The following SLC19A1 variants were observed in gnomAD, a reference collection of about 807,000 sequenced individuals.
The protein encoded by SLC19A1 is reduced folate transporter.
Under a neutral mutation model 35.3 loss-of-function variants are expected in SLC19A1, and 37 were observed. The observed-to-expected ratio is 1.05, with a 90% CI of 0.81 to 1.38. The LOEUF is 1.38. Ranked by LOEUF, SLC19A1 falls within the 40% of genes most tolerant of loss-of-function variation. The pLI, the probability that SLC19A1 is intolerant of heterozygous loss-of-function variation, is 0.00. For synonymous variants in SLC19A1, 460 were observed against 398.5 expected, an observed-to-expected ratio of 1.15 and a Z score of -1.84; for missense variants, 831 against 826.9, an observed-to-expected ratio of 1.00 and a Z score of -0.06.
At chr21:45,561,847 T>G (rs1192324806) in intron 1 of SLC19A1, among the ~76,000 whole-genome samples, 1 of 151,156 alleles carries the variant, frequency 6.6e-6, no homozygotes, top group African/African-American at 2.4e-5. Context: ...AGATAAGACT[T>G]CCAGGCTGGG....
chr21:45,512,810 C>G lies in SLC19A1; in HGVS notation c.*2848G>C. On this transcript the variant is annotated 3_prime_UTR_variant, in exon 6 of 6. Coordinates refer to ENST00000311124, the MANE Select transcript of SLC19A1 (RefSeq NM_194255.4). ...ACCGTTCTGTGCACAAAACCCAGAC[C>G]TGTTAGCAGACAGGCCCCGTGAGGC... 3.4e-6 allele frequency: 1 copy of G among 297,638 alleles called. No individual in the cohort carries two copies. Among genetic ancestry groups the G allele is most frequent in the Non-Finnish European group, 6.5e-6 (1 of 154,096 alleles). The allele number at this position is 297,638 out of a possible 1,614,324, so 18.4% of individuals were successfully genotyped here.
chr21:45,504,025 G>C lies in SLC19A1; in HGVS notation c.498-5413C>G, dbSNP rs527244655. The C allele has an allele frequency of 1.9e-6, 3 of 1,613,606 alleles. No individual in the cohort carries two copies. In the African/African-American group the frequency reaches 4.0e-5, roughly 22 times the overall value. ...CTCTCTTGCAGGGCAGTTTCCGTTTGACTTTCTTCAGTTGGAGGCTGAAAT... is the reference window on the plus strand; with the variant it reads ...CTCTCTTGCAGGGCAGTTTCCGTTTCACTTTCTTCAGTTGGAGGCTGAAAT... On this transcript the variant is annotated intron_variant, in intron 3 of 4. Transcript: ENST00000417954.
chr21:45,508,771 G>A (rs1350860396), downstream of SLC19A1, among the ~76,000 whole-genome samples: 3 of 152,112 alleles, frequency 2.0e-5, no homozygotes, highest in Non-Finnish European at 4.4e-5. Context: ...CCTGTGTGCC[G>A]GGTGGCCATG....
intron 1 of SLC19A1, among the ~76,000 whole-genome samples, chr21:45,560,284 A>G (rs914236): frequency 0.41 from 60,404 of 148,010 alleles, 12,385 homozygotes; most frequent in African/African-American, 0.51. Flanking sequence ...CAATGAGGCC[A>G]GCAGGAGCGG....
At chr21:45,539,473 A>T (rs939625450) in intron 1 of SLC19A1, among the ~76,000 whole-genome samples, 56 of 152,232 alleles carry the variant, frequency 3.7e-4, no homozygotes, top group African/African-American at 1.3e-3. Context: ...GGATTTGAGA[A>T]GTCTCCTCCA....
At chr21:45,526,198 G>A (rs941514727) in intron 4 of SLC19A1, among the ~76,000 whole-genome samples, 1 of 152,210 alleles carries the variant, frequency 6.6e-6, no homozygotes, top group Non-Finnish European at 1.5e-5. Context: ...TGTCCCCCTG[G>A]CTCAGTACAG....
rs574472368 is a variant in SLC19A1 at position 45,535,276 on chromosome 21, G to A, written c.189+2495C>T. Among the ~76,000 whole-genome samples the A allele has an allele frequency of 3.7e-4, 57 of 152,370 alleles. No homozygotes were observed. In the East Asian group the frequency reaches 0.01, roughly 27 times the overall value. ...GCACCCAGGAGCACCTCACGGACTCGGCCGGGGAAAGCGCTCTCAGCTGAC... is the reference window on the plus strand; with the variant it reads ...GCACCCAGGAGCACCTCACGGACTCAGCCGGGGAAAGCGCTCTCAGCTGAC... On this transcript the variant is annotated intron_variant, in intron 2 of 5. Transcript: ENST00000311124.
chr21:45,506,417 CCT>C, intron 3 of SLC19A1: 2 of 323,938 alleles, frequency 6.2e-6, no homozygotes, highest in East Asian at 8.2e-5. Flanking sequence ...TGAAATGCAT[CCT>C]CTCTGCTTAG....
intron 2 of SLC19A1, among the ~76,000 whole-genome samples, chr21:45,532,586 A>G (rs1289617714): frequency 6.6e-6 from 1 of 151,066 alleles, no homozygotes; most frequent in Non-Finnish European, 1.5e-5. Context: ...GGTGCGTACC[A>G]CCATGTCTGG....
downstream of SLC19A1, chr21:45,509,956 C>T: frequency 7.6e-7 from 1 of 1,307,364 alleles, no homozygotes; most frequent in Non-Finnish European, 1.0e-6. Context: ...GCTCAGCGCC[C>T]CTCGGCCGTG....
downstream of SLC19A1, among the ~76,000 whole-genome samples, chr21:45,510,459 G>A (rs1440721815): frequency 4.6e-5 from 7 of 152,250 alleles, no homozygotes; most frequent in East Asian, 1.4e-3. Context: ...TGCATCCCTG[G>A]GCACTGCCAC....
rs1457504882 is a variant in SLC19A1, at chr21:45,515,146, CTTCA to C, written c.*508_*511del. Reference sequence around the variant, plus strand: ...AGAGACAGAGAAGCCACATGCAGTTCTTCATTCTACGTCAGTTAAAAAAAAAAAA... The same window carrying C: ...AGAGACAGAGAAGCCACATGCAGTTCTTCTACGTCAGTTAAAAAAAAAAAA... On this transcript the variant is annotated 3_prime_UTR_variant, in exon 6 of 6. Coordinates refer to ENST00000311124, the MANE Select transcript of SLC19A1 (RefSeq NM_194255.4). The C allele has an allele frequency of 3.9e-6, 6 of 1,528,496 alleles. No individual in the cohort carries two copies. The highest frequency in any genetic ancestry group is 5.3e-6 in the Non-Finnish European group (6 of 1,141,042). The allele number at this position is 1,528,496 out of a possible 1,614,324, so 94.7% of individuals were successfully genotyped here.
At chr21:45,548,243 C>CGATA (rs1569027005), upstream of SLC19A1, among the ~76,000 whole-genome samples, 1 of 152,208 alleles carries the variant, frequency 6.6e-6, no homozygotes, top group Non-Finnish European at 1.5e-5. Flanking sequence ...GACTTTATCA[C>CGATA]GTCCCTTTCA....
At position 45,531,956 on chromosome 21, in the gene SLC19A1, C is replaced by T. The variant is rs1415089639; in HGVS notation, c.382G>A (p.Val128Ile). Residue 128 changes from valine (V) to isoleucine (I), a missense_variant, in exon 3 of 6, where the codon GTC becomes ATC. Transcript: ENST00000311124. ...TAGGCGATGCGCGCGGCCATGGTGA[C>T]GCTGTAGAAGAGCTCCATGAGCTGC... ...HMQLMELFYS[V>I]TMAARIAYSS... 3 of 1,607,558 alleles carry T rather than the reference C, an allele frequency of 1.9e-6. No individual in the cohort carries two copies. Among genetic ancestry groups the T allele is most frequent in the East Asian group, 2.2e-5 (1 of 44,702 alleles).
In SLC19A1 at chr21:45,530,933, G is replaced by A. The variant is rs770169332; in HGVS notation, c.988C>T (p.Arg330Cys). 8 of 1,450,954 alleles carry A rather than the reference G, an allele frequency of 5.5e-6. No individual in the cohort carries two copies. Among genetic ancestry groups the A allele is most frequent in the South Asian group, 4.3e-5 (3 of 69,010 alleles). The allele number at this position is 1,450,954 out of a possible 1,614,324, so 89.9% of individuals were successfully genotyped here. The change falls in exon 4 of 6, where the codon CGC (arginine) becomes TGC (cysteine). Residue 330 changes from arginine (R) to cysteine (C), a missense_variant. Transcript: ENST00000311124. This position sits in a 1 kb window ranked among gnomAD's most constrained non-coding sequence, Gnocchi z 5.3. ...TSFAAGFVKIRWARWSKLLIA... is the reference protein window; with the variant it reads ...TSFAAGFVKICWARWSKLLIA... ...AGCAGCTTGGACCAGCGCGCCCAGC[G>A]GATCTTCACGAAGCCCGCGGCGAAG...
At chr21:45,538,328 A>C (rs1406047782) in intron 1 of SLC19A1, among the ~76,000 whole-genome samples, 1 of 150,732 alleles carries the variant, frequency 6.6e-6, no homozygotes, top group African/African-American at 2.5e-5. Context: ...TTATTAACTA[A>C]ACTAACAAAA....
At chr21:45,504,149 C>A (rs1264979917) in intron 3 of SLC19A1, 1 of 1,427,478 alleles carries the variant, frequency 7.0e-7, no homozygotes, top group Non-Finnish European at 9.9e-7. Flanking sequence ...GGCCCAAGCC[C>A]CCTTCCTGTT....
At chr21:45,508,005 ATGGATGGG>A (rs1194403347), downstream of SLC19A1, among the ~76,000 whole-genome samples, 41 of 150,682 alleles carry the variant, frequency 2.7e-4, no homozygotes, top group South Asian at 7.4e-3. Flanking sequence ...AGGTGGATGG[ATGGATGGG>A]TGGATGGAGA....
Position 45,534,927 on chromosome 21 carries a change from C to T in SLC19A1, c.190-2779G>A, listed in dbSNP as rs892076785. Among the ~76,000 whole-genome samples the T allele has an allele frequency of 6.6e-6, 1 of 152,270 alleles. No homozygotes were observed. The highest frequency in any genetic ancestry group is 2.4e-5 in the African/African-American group (1 of 41,468). On this transcript the variant is annotated intron_variant, in intron 2 of 5. Coordinates refer to ENST00000311124, the MANE Select transcript of SLC19A1 (RefSeq NM_194255.4). This position sits in a 1 kb window ranked among gnomAD's most constrained non-coding sequence, Gnocchi z 4.2. Reference sequence around the variant, plus strand: ...CTCTCCACAGGTCTTGGTTGGGGTCCAGGCTGAATGGGCAGAGTGCAGGCA... The same window carrying T: ...CTCTCCACAGGTCTTGGTTGGGGTCTAGGCTGAATGGGCAGAGTGCAGGCA...
Sources: allele counts gnomAD v4.1 joint callset (sites outside exome capture counted in the v4.1 genomes callset), GRCh38; gene constraint gnomAD v4.1.1; non-coding constraint Gnocchi (gnomAD v3.1); transcripts MANE v1.5; gene names NCBI Gene and HGNC (gene_info 2026-07-23, HGNC 2026-07-21).